ABCA7: variants seen among roughly 807,000 people sequenced by gnomAD.
The protein encoded by ABCA7 is phospholipid-transporting ATPase ABCA7.
Under a neutral mutation model 227.6 loss-of-function variants are expected in ABCA7, and 261 were observed. That is an observed-to-expected ratio of 1.15 (90% CI 1.04 to 1.27). ABCA7 has a LOEUF of 1.27. Among genes scored for constraint, ABCA7 ranks in the 50% most tolerant of loss-of-function variants. ABCA7 has a pLI of 0.00. For missense variants in ABCA7, 3,331 were observed against 2,924.5 expected (o/e 1.14, Z -3.21); for synonymous variants, 1,488 against 1,279.7 (o/e 1.16, Z -3.47).
intron 7 of ABCA7, 91 bp downstream of exon 7, chr19:1,042,917 C>T: frequency 6.6e-7 from 1 of 1,511,620 alleles, no homozygotes; most frequent in Non-Finnish European, 8.9e-7. Context: ...GGGCACTTCC[C>T]TTGGGTGGGT....
chr19:1,057,887 A>C (rs2042391658), intron 35 of ABCA7, 28 bp from the exon 36 acceptor site: 3 of 1,612,922 alleles, frequency 1.9e-6, no homozygotes, highest in African/African-American at 2.7e-5. Flanking sequence ...CTGAGTGGTT[A>C]CTCCAGTGAC....
rs78017624 is a variant in ABCA7 at position 1,043,416 on chromosome 19, C to T, written c.873C>T (p.Ile291=). 661 of 1,613,450 alleles carry T rather than the reference C, an allele frequency of 4.1e-4. 8 individuals carry two copies. In the East Asian group the frequency reaches 0.015, roughly 36 times the overall value. The change falls in exon 9 of 47, where the codon ATC becomes ATT. Residue 291 remains isoleucine, a synonymous_variant. Coordinates refer to ENST00000263094, the MANE Select transcript of ABCA7 (RefSeq NM_019112.4). ...RLLWRRLKPL[I]LGKLLFAPDT... ...TCTGGAGACGCCTGAAGCCTCTGATCCTCGGGAAGCTACTCTTTGCACCAG... is the reference window on the plus strand; with the variant it reads ...TCTGGAGACGCCTGAAGCCTCTGATTCTCGGGAAGCTACTCTTTGCACCAG...
chr19:1,062,482 T>C (rs1007210893), intron 42 of ABCA7, among the ~76,000 whole-genome samples, 169 bp downstream of exon 42: 28 of 152,002 alleles, frequency 1.8e-4, no homozygotes, highest in Non-Finnish European at 3.8e-4. Context: ...CCTGGTCCAA[T>C]AGGGATGTGG....
intron 42 of ABCA7, among the ~76,000 whole-genome samples, chr19:1,063,182 C>A (rs1177928201): frequency 7.0e-6 from 1 of 143,500 alleles, no homozygotes; most frequent in Admixed American, 6.8e-5. Flanking sequence ...CACCATGGCC[C>A]CGCCCCATAC....
chr19:1,064,771 C>A, intron 45 of ABCA7, 160 bp from the exon 46 acceptor site: 2 of 1,207,230 alleles, frequency 1.7e-6, no homozygotes, highest in Non-Finnish European at 2.2e-6. Flanking sequence ...GTCTCAGCTA[C>A]GCGGGCGGGG....
rs758626205 is a variant in ABCA7 at position 1,049,310 on chromosome 19, G to A, written c.2425G>A (p.Val809Ile). 20 of 1,611,270 alleles carry A rather than the reference G, an allele frequency of 1.2e-5. No homozygotes were observed. Among genetic ancestry groups the A allele is most frequent in the Non-Finnish European group, 1.4e-5 (17 of 1,179,136 alleles). ...APPGLSPGVS[V>I]RSLEKRFPGS... is the part of the protein sequence containing the mutation. ...GCCCGGCCTGAGTCCTGGCGTCTCC[G>A]TTCGCAGCCTGGAGAAGCGCTTTCC... is the stretch of plus-strand genomic sequence containing the variant. The change falls in exon 18 of 47, where the codon GTT becomes ATT. Residue 809 changes from valine to isoleucine, a missense_variant. Val to Ile is a conservative substitution (Grantham distance 29, BLOSUM62 3). Transcript: ENST00000263094.
chr19:1,045,443 C>A, intron 12 of ABCA7: 2 of 593,640 alleles, frequency 3.4e-6, no homozygotes, highest in Non-Finnish European at 3.0e-6. Flanking sequence ...TGGCCATGGG[C>A]CTGAGATAAG....
intron 16 of ABCA7, among the ~76,000 whole-genome samples, chr19:1,048,503 A>AAG: frequency 1.5e-5 from 2 of 129,322 alleles, no homozygotes; most frequent in African/African-American, 3.0e-5. Flanking sequence ...TCTCAAAAAA[A>AAG]AAAAAACAAA....
intron 13 of ABCA7, 44 bp downstream of exon 13, chr19:1,046,450 G>T (rs767969148): frequency 1.3e-6 from 2 of 1,512,466 alleles, no homozygotes; most frequent in Non-Finnish European, 1.8e-6. Context: ...CGGCGGGAAG[G>T]TCCCGGGTGT....
At chr19:1,062,546 C>T (rs1295567851) in intron 42 of ABCA7, among the ~76,000 whole-genome samples, 2 of 152,072 alleles carry the variant, frequency 1.3e-5, no homozygotes, top group African/African-American at 4.8e-5. Context: ...CATTGGTCCA[C>T]CCACCCTTCC....
At position 1,044,678 on chromosome 19, in the gene ABCA7, C is replaced by CTGTAA; in HGVS notation, c.1150_1151insGTAAT (p.Tyr384CysfsTer22). On this transcript the variant is annotated frameshift_variant, in exon 11 of 47. Transcript: ENST00000263094. LOFTEE classifies it high-confidence loss of function. Reference sequence around the variant, plus strand: ...CCTTTCTGGACCCTGGGAGCGGTGGCTACAGCTGGCAGGACGCACACGCTG... The same window carrying CTGTAA: ...CCTTTCTGGACCCTGGGAGCGGTGGCTGTAATACAGCTGGCAGGACGCACACGCTG... The CTGTAA allele has an allele frequency of 6.2e-7, 1 of 1,612,948 alleles. No individual in the cohort carries two copies. The highest frequency in any genetic ancestry group is 1.3e-5 in the African/African-American group (1 of 75,048).
chr19:1,064,058 T>C, intron 44 of ABCA7, 103 bp from the exon 45 acceptor site: 2 of 1,357,924 alleles, frequency 1.5e-6, no homozygotes, highest in South Asian at 1.4e-5. Context: ...AGTGGGGAGA[T>C]GTCCACACCA....
intron 21 of ABCA7, 95 bp from the exon 22 acceptor site, chr19:1,051,847 T>G: frequency 2.0e-6 from 3 of 1,495,696 alleles, no homozygotes; most frequent in Non-Finnish European, 2.7e-6. Flanking sequence ...GAATAGGAGT[T>G]TGCTTCATGG....
Position 1,063,682 on chromosome 19 carries a change from C to T in ABCA7, c.5847+4C>T, listed in dbSNP as rs754991001. On this transcript the variant is annotated splice_donor_region_variant and intron_variant, in intron 43 of 46. Transcript: ENST00000263094. ...GGACCCAGCCGTGGTGTTTCTGGTG[C>T]GTGGGAGCGGTGCCTGGGTGGGGTG... The T allele has an allele frequency of 1.9e-6, 3 of 1,589,448 alleles. No individual in the cohort carries two copies. Among genetic ancestry groups the T allele is most frequent in the East Asian group, 2.3e-5 (1 of 43,898 alleles).
Position 1,058,848 on chromosome 19 carries a change from G to C in ABCA7, c.5308G>C (p.Gly1770Arg). ...QPRVRSLPLL[G>R]EEDEDVARER... ...CAGGGTGAGGTCTCTGCCACTCCTG[G>C]GAGAGGAGGACGAGGATGTAGCCCG... is the stretch of plus-strand genomic sequence containing the variant. Residue 1770 changes from glycine to arginine, a missense_variant, in exon 39 of 47, where the codon GGA becomes CGA. Coordinates refer to ENST00000263094, the MANE Select transcript of ABCA7 (RefSeq NM_019112.4). 6.3e-7 allele frequency: 1 copy of C among 1,577,466 alleles called. No homozygotes were observed. Among genetic ancestry groups the C allele is most frequent in the Non-Finnish European group, 8.6e-7 (1 of 1,158,652 alleles).
intron 20 of ABCA7, 66 bp downstream of exon 20, chr19:1,051,360 G>T: frequency 6.3e-7 from 1 of 1,587,810 alleles, no homozygotes; most frequent in Non-Finnish European, 8.6e-7. Context: ...TGAAGGCAGG[G>T]GGAAGCCGGG....
chr19:1,051,104 C>G (rs1390351142), intron 19 of ABCA7, 51 bp from the exon 20 acceptor site: 3 of 1,611,232 alleles, frequency 1.9e-6, no homozygotes, highest in Non-Finnish European at 2.5e-6. Flanking sequence ...TGGACGCCCT[C>G]TGGGACTCTG....
rs141755926 is a variant in ABCA7, at chr19:1,052,767, C to T, written c.3220+481C>T. ...AGCACTTGAGAACCTGAGATGATGC[C>T]CCCATCCCTGGGCTGAGCCGGAACC... On this transcript the variant is annotated intron_variant, in intron 23 of 46. Coordinates refer to ENST00000263094, the MANE Select transcript of ABCA7 (RefSeq NM_019112.4). Among the ~76,000 whole-genome samples the T allele has an allele frequency of 9.3e-3, 1,383 of 149,072 alleles. 15 individuals are homozygous for T. Among genetic ancestry groups the T allele is most frequent in the South Asian group, 0.046 (216 of 4,670 alleles).
rs775015152 is a variant in ABCA7 at position 1,048,879 on chromosome 19, G to A, written c.2270-16G>A. ...TGGGGGGTGGGCTAAGCAATAACCCGCGCCCCTCCCCGCAGGCCAGTACGG... is the reference window on the plus strand; with the variant it reads ...TGGGGGGTGGGCTAAGCAATAACCCACGCCCCTCCCCGCAGGCCAGTACGG... On this transcript the variant is annotated splice_polypyrimidine_tract_variant and intron_variant, in intron 16 of 46. Coordinates refer to ENST00000263094, the MANE Select transcript of ABCA7 (RefSeq NM_019112.4). 1.1e-5 allele frequency: 17 copies of A among 1,508,156 alleles called. No individual in the cohort carries two copies. The East Asian group carries it at 2.1e-4, about 19-fold the overall frequency. The allele number at this position is 1,508,156 out of a possible 1,614,324, so 93.4% of individuals were successfully genotyped here.
Sources: allele counts gnomAD v4.1 joint callset (sites outside exome capture counted in the v4.1 genomes callset), GRCh38; gene constraint gnomAD v4.1.1; transcripts MANE v1.5; gene names NCBI Gene and HGNC (gene_info 2026-07-23, HGNC 2026-07-21).